Variants in NAALADL2 observed in about 807,000 individuals in gnomAD.
The protein encoded by NAALADL2 is N-acetylated alpha-linked acidic dipeptidase like 2, also known as inactive N-acetylated-alpha-linked acidic dipeptidase-like protein 2.
A neutral mutation model predicts 87.2 loss-of-function variants in NAALADL2; 76 were observed. The observed-to-expected ratio is 0.87, with a 90% CI of 0.72 to 1.05. The LOEUF is 1.05. Ranked by LOEUF, NAALADL2 falls within the 50% of genes least tolerant of loss-of-function variation. The probability of loss-of-function intolerance (pLI) is 0.00; values close to 1 mark genes in which losing one functional copy is unlikely to be tolerated. For missense variants in NAALADL2, 1,089 were observed against 945.8 expected (o/e 1.15, Z -1.99); for synonymous variants, 354 against 331.0 (o/e 1.07, Z -0.75).
chr3:175,041,387 C>T (rs1049661035), intron 1 of NAALADL2, among the ~76,000 whole-genome samples: 1 of 152,148 alleles, frequency 6.6e-6, no homozygotes, highest in African/African-American at 2.4e-5. Flanking sequence ...GTTTTGCTCA[C>T]AGCACCCTCT....
chr3:175,181,799 A>G (rs186644130), intron 2 of NAALADL2, among the ~76,000 whole-genome samples: 2,416 of 143,358 alleles, frequency 0.017, 83 homozygotes, highest in African/African-American at 0.059. Flanking sequence ...GTGTGTGTGT[A>G]TATATATGTA....
At chr3:175,534,903 A>T (rs887037535) in intron 9 of NAALADL2, among the ~76,000 whole-genome samples, 16 of 141,302 alleles carry the variant, frequency 1.1e-4, no homozygotes, top group African/African-American at 2.9e-4. Context: ...CACACTGTTT[A>T]AAAAAAAAAA....
intron 1 of NAALADL2, among the ~76,000 whole-genome samples, chr3:175,050,931 T>TA (rs547753561): frequency 1.3e-5 from 2 of 151,736 alleles, no homozygotes; most frequent in African/African-American, 2.4e-5. Context: ...ACTTGAAGAA[T>TA]AAAAAAAATA....
intron 3 of NAALADL2, among the ~76,000 whole-genome samples, chr3:175,247,339 A>T (rs1040517446): frequency 6.6e-6 from 1 of 152,162 alleles, no homozygotes; most frequent in African/African-American, 2.4e-5. Flanking sequence ...ATAGTTAGGC[A>T]TTGCAGCATG....
At chr3:174,640,077 TC>T (rs1723016365) in intron 2 of NAALADL2, among the ~76,000 whole-genome samples, 1 of 152,178 alleles carries the variant, frequency 6.6e-6, no homozygotes, top group South Asian at 2.1e-4. Context: ...ATGCTTTAAA[TC>T]CACGTTAGGG....
intron 11 of NAALADL2, among the ~76,000 whole-genome samples, chr3:175,692,743 A>T (rs188355774): frequency 6.6e-6 from 1 of 152,228 alleles, no homozygotes; most frequent in African/African-American, 2.4e-5. Context: ...AAGTGAAAAT[A>T]AGTTCTCCGT....
At chr3:175,411,348 C>T (rs568484922) in intron 5 of NAALADL2, among the ~76,000 whole-genome samples, 15 of 152,146 alleles carry the variant, frequency 9.9e-5, no homozygotes, top group South Asian at 2.1e-4. Flanking sequence ...TGCAAAAATT[C>T]AGGAAGAGGG....
At chr3:175,487,423 C>T in intron 9 of NAALADL2, 1 of 435,366 alleles carries the variant, frequency 2.3e-6, no homozygotes, top group Non-Finnish European at 4.6e-6. Context: ...GTATCTGGTA[C>T]TTAGTGGGTT....
At chr3:174,881,904 TTATTTCAGA>T (rs1729238717) in intron 1 of NAALADL2, among the ~76,000 whole-genome samples, 2 of 152,114 alleles carry the variant, frequency 1.3e-5, no homozygotes, top group African/African-American at 4.8e-5. Flanking sequence ...CTGTTATGTT[TTATTTCAGA>T]TGTTTCAGAT....
At chr3:174,589,159 C>T (rs1046728308) in intron 2 of NAALADL2, among the ~76,000 whole-genome samples, 5 of 152,184 alleles carry the variant, frequency 3.3e-5, no homozygotes, top group African/African-American at 7.2e-5. Context: ...GCTCCTTGGG[C>T]GTGGGACCCT....
intron 2 of NAALADL2, among the ~76,000 whole-genome samples, chr3:175,168,357 C>G (rs1013299266): frequency 1.3e-5 from 2 of 151,738 alleles, no homozygotes; most frequent in African/African-American, 4.8e-5. Context: ...AAATATTTCT[C>G]TGACAAGAGG....
At chr3:175,698,323 TTATGTATGTGTATA>T (rs1251626578) in intron 11 of NAALADL2, among the ~76,000 whole-genome samples, 814 of 64,504 alleles carry the variant, frequency 0.013, 173 homozygotes, top group African/African-American at 0.027. Flanking sequence ...GTATGTGTAT[TTATGTATGTGTATA>T]TATGTATGTG....
intron 1 of NAALADL2, among the ~76,000 whole-genome samples, chr3:174,490,232 A>G (rs1325900343): frequency 6.6e-6 from 1 of 152,140 alleles, no homozygotes; most frequent in South Asian, 2.1e-4. Context: ...GCAATAAAAA[A>G]TGAAGTATTG....
intron 4 of NAALADL2, among the ~76,000 whole-genome samples, chr3:175,276,726 T>C (rs1560278249): frequency 1.3e-5 from 2 of 152,218 alleles, no homozygotes; most frequent in Non-Finnish European, 2.9e-5. Context: ...ACCTTTATAA[T>C]TGTAGTACAT....
At chr3:174,644,586 GGTT>G (rs1012978947) in intron 2 of NAALADL2, among the ~76,000 whole-genome samples, 5 of 152,072 alleles carry the variant, frequency 3.3e-5, no homozygotes, top group Non-Finnish European at 7.4e-5. Flanking sequence ...TTTAAACCCA[GGTT>G]GTTCAAGAGT....
chr3:174,509,616 C>G (rs1379597532), intron 1 of NAALADL2, among the ~76,000 whole-genome samples: 1 of 100,708 alleles, frequency 9.9e-6, no homozygotes, highest in African/African-American at 3.7e-5. Context: ...TTAGTAGAGA[C>G]GGGGTTTCAC....
chr3:174,861,865 A>C, intron 1 of NAALADL2, among the ~76,000 whole-genome samples: 1 of 151,694 alleles, frequency 6.6e-6, no homozygotes, highest in East Asian at 1.9e-4. Flanking sequence ...ATATGCCATT[A>C]ACATTTAGTG....
intron 1 of NAALADL2, among the ~76,000 whole-genome samples, chr3:175,090,199 A>AC (rs1368122559): frequency 2.0e-5 from 3 of 152,004 alleles, no homozygotes; most frequent in African/African-American, 7.2e-5. Context: ...TTATTTACAC[A>AC]CCCCTGAGAA....
At chr3:174,609,144 G>T (rs929673482) in intron 2 of NAALADL2, among the ~76,000 whole-genome samples, 1 of 152,112 alleles carries the variant, frequency 6.6e-6, no homozygotes, top group Non-Finnish European at 1.5e-5. Context: ...CAATAAATTA[G>T]GTATTGATGG....
Sources: allele counts gnomAD v4.1 joint callset (sites outside exome capture counted in the v4.1 genomes callset), GRCh38; gene constraint gnomAD v4.1.1; transcripts MANE v1.5; gene names NCBI Gene and HGNC (gene_info 2026-07-23, HGNC 2026-07-21).